The following SFR1 variants were observed in gnomAD, a reference collection of about 807,000 sequenced individuals.
SFR1 encodes the protein swi5-dependent recombination DNA repair protein 1 homolog.
A neutral mutation model predicts 26.2 loss-of-function variants in SFR1; 24 were observed. That is an observed-to-expected ratio of 0.92 (90% CI 0.66 to 1.29). The LOEUF is 1.29. Among genes scored for constraint, SFR1 ranks in the 50% most tolerant of loss-of-function variants. The pLI, the probability that SFR1 is intolerant of heterozygous loss-of-function variation, is 0.00. For synonymous variants in SFR1, 77 were observed against 96.6 expected (o/e 0.80, Z 1.19); for missense variants, 276 against 270.2 (o/e 1.02, Z -0.15).
intron 3 of SFR1, 52 bp downstream of exon 3, chr10:104,124,176 A>G (rs1276260699): frequency 1.4e-6 from 2 of 1,403,750 alleles, no homozygotes; most frequent in Non-Finnish European, 9.4e-7. Flanking sequence ...CATAAATTAC[A>G]GGAAAGTAAT....
intron 1 of SFR1, chr10:104,122,631 C>CAA: frequency 7.6e-7 from 1 of 1,311,946 alleles, no homozygotes; most frequent in Non-Finnish European, 9.7e-7. Flanking sequence ...ATGAAGCTGT[C>CAA]ATAATAAAGA....
At chr10:104,122,478 G>C in intron 1 of SFR1, 1 of 985,410 alleles carries the variant, frequency 1.0e-6, no homozygotes, top group Non-Finnish European at 1.2e-6. Flanking sequence ...GCTACAGACG[G>C]GCTTAAATGC....
upstream of SFR1, among the ~76,000 whole-genome samples, chr10:104,120,528 G>C (rs757078764): frequency 4.6e-5 from 7 of 151,998 alleles, no homozygotes; most frequent in African/African-American, 7.3e-5. Context: ...TGCTTTTTTG[G>C]GGGGTGGGAG....
At chr10:104,121,638 G>A (rs1044927482), upstream of SFR1, among the ~76,000 whole-genome samples, 1 of 152,196 alleles carries the variant, frequency 6.6e-6, no homozygotes, top group African/African-American at 2.4e-5. Flanking sequence ...TCTGAGTAAA[G>A]CCTTCACTGT....
At chr10:104,122,291 A>C (rs367781209) in intron 1 of SFR1, 95 bp downstream of exon 1, 5 of 1,440,538 alleles carry the variant, frequency 3.5e-6, no homozygotes, top group Non-Finnish European at 2.8e-6. Context: ...GGGTCTGGGG[A>C]ACTCAACCTC....
intron 2 of SFR1, 91 bp from the exon 3 acceptor site, chr10:104,123,623 A>T: frequency 9.7e-7 from 1 of 1,029,844 alleles, no homozygotes; most frequent in Non-Finnish European, 1.4e-6. Context: ...GGTGTCTAGC[A>T]TAGAAATGGA....
At chr10:104,122,787 A>C in intron 1 of SFR1, 178 bp from the exon 2 acceptor site, 1 of 1,517,068 alleles carries the variant, frequency 6.6e-7, no homozygotes, top group Non-Finnish European at 8.8e-7. Flanking sequence ...AGTGGTCCCT[A>C]TGTGGGAAGG....
At chr10:104,121,818 C>A (rs1275985575), upstream of SFR1, among the ~76,000 whole-genome samples, 3 of 152,228 alleles carry the variant, frequency 2.0e-5, no homozygotes, top group African/African-American at 7.2e-5. Context: ...AGCGCGCCCC[C>A]CTCAGGATTG....
Position 104,125,828 on chromosome 10 carries a change from C to T in SFR1, c.*124C>T, listed in dbSNP as rs1419409198. On this transcript the variant is annotated 3_prime_UTR_variant, in exon 4 of 4. Transcript: ENST00000369727. ...TCATCCTGGCTGGAGTGTGATGGTG[C>T]GATCTTGACTCACTGCAACCTCTGC... The T allele has an allele frequency of 3.0e-5, 18 of 605,948 alleles. No homozygotes were observed. Among genetic ancestry groups the T allele is most frequent in the East Asian group, 1.2e-4 (4 of 33,166 alleles). The allele number at this position is 605,948 out of a possible 1,614,324, so 37.5% of individuals were successfully genotyped here.
Position 104,125,968 on chromosome 10 carries a change from G to A in SFR1, c.*264G>A, listed in dbSNP as rs566168997. Reference sequence around the variant, plus strand: ...TTTAGTAGAGACTGGGTTTCACCACGTTGGCCAGGCTGGTCTCGAACTCCT... The same window carrying A: ...TTTAGTAGAGACTGGGTTTCACCACATTGGCCAGGCTGGTCTCGAACTCCT... On this transcript the variant is annotated 3_prime_UTR_variant, in exon 4 of 4. Coordinates refer to ENST00000369727, the MANE Select transcript of SFR1 (RefSeq NM_001002759.2). 88 of 244,486 alleles carry A rather than the reference G, an allele frequency of 3.6e-4. No individual in the cohort carries two copies. Among genetic ancestry groups the A allele is most frequent in the African/African-American group, 1.8e-3 (80 of 43,624 alleles). The allele number at this position is 244,486 out of a possible 1,614,324, so 15.1% of individuals were successfully genotyped here.
At chr10:104,122,919 A>G (rs2086982233) in intron 1 of SFR1, 46 bp from the exon 2 acceptor site, 1 of 1,603,604 alleles carries the variant, frequency 6.2e-7, no homozygotes. Flanking sequence ...AGTCGACTAT[A>G]GAGAGGTGTG....
upstream of SFR1, chr10:104,122,064 G>A (rs1239579993): frequency 9.4e-5 from 116 of 1,233,970 alleles, no homozygotes; most frequent in East Asian, 3.2e-4. Flanking sequence ...GTGAAGCGGC[G>A]CCTCGCGCGT....
At chr10:104,123,603 G>T in intron 2 of SFR1, 111 bp from the exon 3 acceptor site, 1 of 730,236 alleles carries the variant, frequency 1.4e-6, no homozygotes, top group Admixed American at 3.6e-5. Flanking sequence ...GAGACAGAAA[G>T]CCATCTAGTG....
At chr10:104,123,616 G>A in intron 2 of SFR1, 98 bp from the exon 3 acceptor site, 2 of 932,308 alleles carry the variant, frequency 2.1e-6, no homozygotes, top group Non-Finnish European at 3.1e-6. Context: ...ATCTAGTGGT[G>A]TCTAGCATAG....
chr10:104,122,200 C>T lies in SFR1; in HGVS notation c.13+4C>T, dbSNP rs778668322. The T allele has an allele frequency of 5.2e-5, 80 of 1,544,158 alleles. No homozygotes were observed. The highest frequency in any genetic ancestry group is 6.7e-5 in the Non-Finnish European group (77 of 1,144,018). On this transcript the variant is annotated splice_donor_region_variant and intron_variant, in intron 1 of 3. Transcript: ENST00000369727. ...TCGCTGGGAATGGCGGAGGGAGGTA[C>T]CCTGCTGAGGGGAAGGGGGGATCCC... is the stretch of plus-strand genomic sequence containing the variant.
At position 104,123,755 on chromosome 10, in the gene SFR1, A is replaced by G; in HGVS notation, c.177A>G (p.Arg59=). 6.2e-7 allele frequency: 1 copy of G among 1,605,386 alleles called. No homozygotes were observed. The highest frequency in any genetic ancestry group is 8.5e-7 in the Non-Finnish European group (1 of 1,177,376). The part of the protein sequence containing the change: ...ATLRERLRKT[R]FSFNSSYNVV... ...TTAGAGAAAGATTAAGGAAAACAAGATTTTCATTTAATTCCTCTTACAATG... is the reference window on the plus strand; with the variant it reads ...TTAGAGAAAGATTAAGGAAAACAAGGTTTTCATTTAATTCCTCTTACAATG... The change falls in exon 3 of 4, where the codon AGA becomes AGG. Residue 59 remains arginine (R), a synonymous_variant. Transcript: ENST00000369727.
intron 1 of SFR1, chr10:104,122,624 A>G: frequency 7.6e-7 from 1 of 1,309,882 alleles, no homozygotes; most frequent in Non-Finnish European, 9.7e-7. Context: ...TTGAATTATG[A>G]AGCTGTCATA....
chr10:104,122,717 A>G, intron 1 of SFR1: 1 of 1,398,740 alleles, frequency 7.1e-7, no homozygotes, highest in African/African-American at 1.4e-5. Context: ...GGATGAAACG[A>G]AAACAAGGAG....
chr10:104,125,476 C>T (rs1329800659), intron 3 of SFR1, 37 bp from the exon 4 acceptor site: 17 of 1,518,728 alleles, frequency 1.1e-5, no homozygotes, highest in Non-Finnish European at 1.5e-5. Flanking sequence ...ACTAGCATGA[C>T]TAGTTATTGA....
Sources: gnomAD v4.1 joint callset for allele counts (sites outside exome capture counted in the v4.1 genomes callset) on GRCh38, gnomAD v4.1.1 for gene constraint, MANE v1.5 for transcripts, NCBI Gene and HGNC (gene_info 2026-07-23, HGNC 2026-07-21) for gene names.